AKAP8L: variants seen among roughly 807,000 people sequenced by gnomAD.
AKAP8L encodes the protein A-kinase anchoring protein 8 like.
Under a neutral mutation model 77.5 loss-of-function variants are expected in AKAP8L, and 34 were observed. The ratio of observed to expected loss-of-function variants is 0.44; its 90% CI spans 0.33 to 0.58. AKAP8L has a LOEUF of 0.58. AKAP8L is among the 20% of genes least tolerant of loss of function. The pLI, the probability that AKAP8L is intolerant of heterozygous loss-of-function variation, is 0.02. For missense variants in AKAP8L, 806 were observed against 887.6 expected, an observed-to-expected ratio of 0.91 and a Z score of 1.17; for synonymous variants, 342 against 340.7, an observed-to-expected ratio of 1.00 and a Z score of -0.04.
rs1967931644 is a variant in AKAP8L at position 15,403,161 on chromosome 19, G to A, written c.362+314C>T. On this transcript the variant is annotated intron_variant, in intron 4 of 13. Transcript: ENST00000397410. The surrounding 1 kb of genome is among the most constrained non-coding windows in gnomAD (Gnocchi z 4.3). ...GCAAAGTCTCGAGAGAATTCCAAATGGCTGTCCTTGGAGGGAGGGGTGGCT... is the reference window on the plus strand; with the variant it reads ...GCAAAGTCTCGAGAGAATTCCAAATAGCTGTCCTTGGAGGGAGGGGTGGCT... Among the ~76,000 whole-genome samples the A allele has an allele frequency of 6.6e-6, 1 of 152,150 alleles. No individual in the cohort carries two copies. Among genetic ancestry groups the A allele is most frequent in the Admixed American group, 6.5e-5 (1 of 15,284 alleles).
In AKAP8L at chr19:15,399,579, G is replaced by T. The variant is rs531446770; in HGVS notation, c.1049-169C>A. On this transcript the variant is annotated intron_variant, in intron 8 of 13. Transcript: ENST00000397410. The surrounding 1 kb of genome is among the most constrained non-coding windows in gnomAD (Gnocchi z 6.1). ...GGCTGGGTATCCTGGGCTGTGCAGGGAGTGGGTTTGGCCTAGGCCCCAAGG... is the reference window on the plus strand; with the variant it reads ...GGCTGGGTATCCTGGGCTGTGCAGGTAGTGGGTTTGGCCTAGGCCCCAAGG... 4.3e-5 allele frequency: 27 copies of T among 631,986 alleles called. No individual in the cohort carries two copies. Among genetic ancestry groups the T allele is most frequent in the Middle Eastern group, 3.3e-4 (1 of 3,056 alleles). The allele number at this position is 631,986 out of a possible 1,614,324, so 39.1% of individuals were successfully genotyped here.
chr19:15,403,573 G>A lies in AKAP8L; in HGVS notation c.264C>T (p.Ala88=), dbSNP rs762901365. 28 of 1,613,840 alleles carry A rather than the reference G, an allele frequency of 1.7e-5. No individual in the cohort carries two copies. The highest frequency in any genetic ancestry group is 1.9e-5 in the Non-Finnish European group (23 of 1,179,890). ...ANTSASGSAS[A]DSVLSRINQR... ...GGTTAATTCTGGATAAAACGGAATC[G>A]GCACTGGCGCTACCCGAGGCACTAG... is the stretch of plus-strand genomic sequence containing the variant. Residue 88 remains alanine (A), a synonymous_variant, in exon 4 of 14, where the codon GCC becomes GCT. Coordinates refer to ENST00000397410, the MANE Select transcript of AKAP8L (RefSeq NM_014371.4). This position sits in a 1 kb window ranked among gnomAD's most constrained non-coding sequence, Gnocchi z 4.3.
intron 2 of AKAP8L, among the ~76,000 whole-genome samples, chr19:15,408,113 G>A (rs1282788935): frequency 6.6e-6 from 1 of 152,010 alleles, no homozygotes; most frequent in Admixed American, 6.6e-5. Flanking sequence ...TGGCCAACAT[G>A]GTGAAACCAG....
intron 1 of AKAP8L, 128 bp downstream of exon 1, chr19:15,418,783 C>T (rs777484943): frequency 3.7e-5 from 33 of 894,884 alleles, no homozygotes; most frequent in Non-Finnish European, 5.0e-5. Context: ...GGGCCAGCGG[C>T]GCCATTTTGT....
chr19:15,386,353 C>T (rs1246574238), intron 12 of AKAP8L, among the ~76,000 whole-genome samples: 1 of 152,130 alleles, frequency 6.6e-6, no homozygotes, highest in South Asian at 2.1e-4. Flanking sequence ...CAGTCTGAGG[C>T]GTTCCCTGGA....
chr19:15,418,773 G>C (rs1394819627), intron 1 of AKAP8L, 138 bp downstream of exon 1: 1 of 806,626 alleles, frequency 1.2e-6, no homozygotes. Flanking sequence ...CTGAGGCGAC[G>C]GGCCAGCGGC....
intron 12 of AKAP8L, among the ~76,000 whole-genome samples, chr19:15,396,258 C>A (rs190467677): frequency 6.6e-6 from 1 of 152,078 alleles, no homozygotes; most frequent in Non-Finnish European, 1.5e-5. Flanking sequence ...ATAAACCCCA[C>A]CACCCTCCTC....
chr19:15,409,497 G>A (rs1968067339), intron 2 of AKAP8L, among the ~76,000 whole-genome samples: 1 of 152,168 alleles, frequency 6.6e-6, no homozygotes, highest in Non-Finnish European at 1.5e-5. Flanking sequence ...GTCTCTTTAT[G>A]CAGTGACCCC....
At position 15,392,896 on chromosome 19, in the gene AKAP8L, CAA is replaced by C. The variant is rs60766880; in HGVS notation, c.1536+4252_1536+4253del. ...GGGCAACAAGAGCAAAACTCTGTCT[CAA>C]AAAAAAAAAAATCTTAACAATAAAG... is the stretch of plus-strand genomic sequence containing the variant. On this transcript the variant is annotated intron_variant, in intron 12 of 13. Transcript: ENST00000397410. 9.3e-5 allele frequency among the ~76,000 whole-genome samples: 4 copies of C among 43,122 alleles called. No homozygotes were observed. In the South Asian group the frequency reaches 3.3e-3, roughly 35 times the overall value. 28.3% of individuals were successfully genotyped at this position (43,122 alleles called of 152,430 possible). A position where few individuals can be genotyped will look rare whatever the true frequency, so the allele number is the denominator to read the frequency against.
At chr19:15,407,490 T>C (rs775174837) in intron 2 of AKAP8L, among the ~76,000 whole-genome samples, 4 of 152,188 alleles carry the variant, frequency 2.6e-5, no homozygotes, top group Non-Finnish European at 4.4e-5. Flanking sequence ...CTCAAACAAA[T>C]CTACAAAAGA....
In AKAP8L at chr19:15,380,149, G is replaced by A. The variant is rs765223433; in HGVS notation, c.1914C>T (p.Asp638=). Residue 638 remains aspartate, a synonymous_variant, in exon 14 of 14, where the codon GAC becomes GAT. Transcript: ENST00000397410. ...ACGGGGCGCCCCCGCCGCCCTCCTC[G>A]TCGTCCTCCACGTCGAGGCCCGGGA... ...RGIPGLDVED[D]EEGGGGAP 22 of 1,501,490 alleles carry A rather than the reference G, an allele frequency of 1.5e-5. No individual in the cohort carries two copies. Among genetic ancestry groups the A allele is most frequent in the Non-Finnish European group, 1.9e-5 (21 of 1,134,150 alleles). The allele number at this position is 1,501,490 out of a possible 1,614,324, so 93.0% of individuals were successfully genotyped here. A position where few individuals can be genotyped will look rare whatever the true frequency, so the allele number is the denominator to read the frequency against.
rs375145145 is a variant in AKAP8L, at chr19:15,400,884, A to G, written c.914-20T>C. 5 of 1,613,834 alleles carry G rather than the reference A, an allele frequency of 3.1e-6. No homozygotes were observed. The African/African-American group carries it at 6.7e-5, about 22-fold the overall frequency. On this transcript the variant is annotated intron_variant, in intron 6 of 13. Transcript: ENST00000397410. ...CCTCATCTGAAAGGGAAAAGGAGGT[A>G]AGCTCAACCCAGGAGTTCCCAGAGG...
intron 12 of AKAP8L, among the ~76,000 whole-genome samples, chr19:15,394,738 G>A (rs879676360): frequency 6.6e-6 from 1 of 152,044 alleles, no homozygotes; most frequent in Admixed American, 6.5e-5. Flanking sequence ...TACTTTAAAT[G>A]CGTGAATTGT....
chr19:15,397,331 C>T lies in AKAP8L; in HGVS notation c.1406-51G>A. On this transcript the variant is annotated intron_variant, in intron 11 of 13. Coordinates refer to ENST00000397410, the MANE Select transcript of AKAP8L (RefSeq NM_014371.4). This position sits in a 1 kb window ranked among gnomAD's most constrained non-coding sequence, Gnocchi z 4.7. ...ACTGGGCCCAGGTGCCTAAGATAGACCCAGGTGTTCGAGAAAAAAACCACA... is the reference window on the plus strand; with the variant it reads ...ACTGGGCCCAGGTGCCTAAGATAGATCCAGGTGTTCGAGAAAAAAACCACA... 6.2e-7 allele frequency: 1 copy of T among 1,603,954 alleles called. No individual in the cohort carries two copies. The highest frequency in any genetic ancestry group is 8.5e-7 in the Non-Finnish European group (1 of 1,173,018).
At chr19:15,400,715 T>C in intron 7 of AKAP8L, 79 bp downstream of exon 7, 4 of 1,532,106 alleles carry the variant, frequency 2.6e-6, no homozygotes, top group Non-Finnish European at 3.6e-6. Context: ...GCATTGCCTC[T>C]GGCCCCCAGG....
In AKAP8L at chr19:15,399,100, C is replaced by T. The variant is rs947922997; in HGVS notation, c.1157+202G>A. ...GTCTCGGCCCACAGACGCCAGCGGT[C>T]GCCAGGCGGCCGCAGAGGGGCAGGG... On this transcript the variant is annotated intron_variant, in intron 9 of 13. Coordinates refer to ENST00000397410, the MANE Select transcript of AKAP8L (RefSeq NM_014371.4). This position sits in a 1 kb window ranked among gnomAD's most constrained non-coding sequence, Gnocchi z 6.1. 6 of 593,088 alleles carry T rather than the reference C, an allele frequency of 1.0e-5. No individual in the cohort carries two copies. Among genetic ancestry groups the T allele is most frequent in the East Asian group, 2.9e-5 (1 of 34,140 alleles). 36.7% of individuals were successfully genotyped at this position (593,088 alleles called of 1,614,324 possible).
chr19:15,385,909 C>CT (rs1182684762), intron 12 of AKAP8L, among the ~76,000 whole-genome samples: 5 of 115,078 alleles, frequency 4.3e-5, no homozygotes, highest in East Asian at 3.0e-4. Flanking sequence ...AACTTTCTTT[C>CT]TTTTTTTTCT....
intron 2 of AKAP8L, among the ~76,000 whole-genome samples, chr19:15,408,076 T>C (rs1043528757): frequency 6.0e-5 from 9 of 150,602 alleles, no homozygotes; most frequent in Non-Finnish European, 1.2e-4. Flanking sequence ...AGGTGGATCA[T>C]GTGAGGTCGG....
chr19:15,393,189 A>C (rs1357204699), intron 12 of AKAP8L, among the ~76,000 whole-genome samples: 1 of 152,092 alleles, frequency 6.6e-6, no homozygotes, highest in Non-Finnish European at 1.5e-5. Context: ...AAATAAATTA[A>C]CTCAAATGGA....
Sources: gnomAD v4.1 joint callset for allele counts (sites outside exome capture counted in the v4.1 genomes callset) on GRCh38, gnomAD v4.1.1 for gene constraint, Gnocchi (gnomAD v3.1) non-coding constraint, MANE v1.5 for transcripts, NCBI Gene and HGNC (gene_info 2026-07-23, HGNC 2026-07-21) for gene names.